The following PDE3A variants were observed in gnomAD, a reference collection of about 807,000 sequenced individuals.
The protein encoded by PDE3A is cGMP-inhibited 3',5'-cyclic phosphodiesterase 3A.
PDE3A carries 43 observed loss-of-function variants against 98.3 expected under a neutral mutation model. The ratio of observed to expected loss-of-function variants is 0.44; its 90% CI spans 0.34 to 0.56. PDE3A has a LOEUF of 0.56. PDE3A is among the 20% of genes least tolerant of loss of function. PDE3A has a pLI of 0.01. For missense variants in PDE3A, 1,427 were observed against 1,440.7 expected (o/e 0.99, Z 0.15); for synonymous variants, 663 against 567.9 (o/e 1.17, Z -2.38).
chr12:20,577,102 A>G (rs1194188292), intron 2 of PDE3A, among the ~76,000 whole-genome samples: 1 of 152,166 alleles, frequency 6.6e-6, no homozygotes, highest in African/African-American at 2.4e-5. Flanking sequence ...ACTGGAATAA[A>G]GACTACTCAG....
chr12:20,515,050 C>T (rs1041515177), intron 1 of PDE3A, among the ~76,000 whole-genome samples: 18 of 152,264 alleles, frequency 1.2e-4, no homozygotes, highest in Admixed American at 4.6e-4. Context: ...CAAGAGGGGG[C>T]CGAACTCATC....
At chr12:20,660,122 T>C (rs1316500593) in intron 15 of PDE3A, among the ~76,000 whole-genome samples, 1 of 152,016 alleles carries the variant, frequency 6.6e-6, no homozygotes, top group Non-Finnish European at 1.5e-5. Flanking sequence ...TGACAGTGAG[T>C]GACTTGTCAC....
chr12:20,589,671 A>C (rs1943280857), intron 2 of PDE3A, among the ~76,000 whole-genome samples: 1 of 151,860 alleles, frequency 6.6e-6, no homozygotes, highest in African/African-American at 2.4e-5. Context: ...GATCGAGACC[A>C]TCCTGGCTAA....
chr12:20,453,947 T>G (rs974964811), intron 1 of PDE3A, among the ~76,000 whole-genome samples: 3 of 152,174 alleles, frequency 2.0e-5, no homozygotes, highest in Non-Finnish European at 4.4e-5. Flanking sequence ...GAACTAATCC[T>G]TTGAAAGGTG....
chr12:20,390,369 A>G (rs1943890053), intron 1 of PDE3A, among the ~76,000 whole-genome samples: 1 of 150,794 alleles, frequency 6.6e-6, no homozygotes, highest in African/African-American at 2.4e-5. Flanking sequence ...GGACACGAGG[A>G]GGCATTTAAG....
Position 20,670,996 on chromosome 12 carries a change from A to G in PDE3A, c.3185-9034A>G, listed in dbSNP as rs1327742398. 2.6e-5 allele frequency among the ~76,000 whole-genome samples: 3 copies of G among 114,478 alleles called. No homozygotes were observed. In the East Asian group the frequency reaches 7.9e-4, roughly 30 times the overall value. The allele number at this position is 114,478 out of a possible 152,430, so 75.1% of individuals were successfully genotyped here. Reference sequence around the variant, plus strand: ...AAGAGAGAAGAATCAAATAGACGCAATAAAATATGATAAAGGGGATATCAC... The same window carrying G: ...AAGAGAGAAGAATCAAATAGACGCAGTAAAATATGATAAAGGGGATATCAC... On this transcript the variant is annotated intron_variant, in intron 15 of 15. Transcript: ENST00000359062.
chr12:20,666,589 G>A (rs1438094127), intron 15 of PDE3A, among the ~76,000 whole-genome samples: 1 of 152,096 alleles, frequency 6.6e-6, no homozygotes, highest in Non-Finnish European at 1.5e-5. Context: ...TTCCATTAAT[G>A]ATGCTGCAAA....
In PDE3A at chr12:20,429,046, G is replaced by A. The variant is rs537910687; in HGVS notation, c.960+58802G>A. Among the ~76,000 whole-genome samples, 3 of 152,230 alleles carry A rather than the reference G, an allele frequency of 2.0e-5. No individual in the cohort carries two copies. In the East Asian group the frequency reaches 5.8e-4, roughly 29 times the overall value. Reference sequence around the variant, plus strand: ...AGAAAATTTCAATGTTTTTACATACGTACACAACACTTAACACAAAGTAAA... The same window carrying A: ...AGAAAATTTCAATGTTTTTACATACATACACAACACTTAACACAAAGTAAA... On this transcript the variant is annotated intron_variant, in intron 1 of 15. Transcript: ENST00000359062.
At chr12:20,602,212 A>C (rs1310398106) in intron 2 of PDE3A, among the ~76,000 whole-genome samples, 3 of 152,218 alleles carry the variant, frequency 2.0e-5, no homozygotes, top group Non-Finnish European at 2.9e-5. Context: ...TGAATTTATT[A>C]TATCTTTGCC....
intron 1 of PDE3A, among the ~76,000 whole-genome samples, chr12:20,394,325 T>C (rs1012610133): frequency 2.6e-5 from 4 of 152,072 alleles, no homozygotes; most frequent in Non-Finnish European, 5.9e-5. Context: ...TTGTAACTTA[T>C]AGGGAAATCA....
intron 15 of PDE3A, among the ~76,000 whole-genome samples, chr12:20,670,800 A>G (rs1945454930): frequency 7.4e-6 from 1 of 135,264 alleles, no homozygotes; most frequent in Non-Finnish European, 1.5e-5. Flanking sequence ...TAGAAAAGCA[A>G]GAGCAAACAC....
At chr12:20,530,188 T>G (rs759328699) in intron 1 of PDE3A, among the ~76,000 whole-genome samples, 1 of 152,332 alleles carries the variant, frequency 6.6e-6, no homozygotes, top group South Asian at 2.1e-4. Flanking sequence ...ATCTGGAGAA[T>G]AATATAATTG....
chr12:20,437,129 C>A (rs117429885), intron 1 of PDE3A, among the ~76,000 whole-genome samples: 2,581 of 151,956 alleles, frequency 0.017, 37 homozygotes, highest in Middle Eastern at 0.051. Flanking sequence ...CTGGACTGTG[C>A]TACTAAACAA....
chr12:20,675,735 T>G (rs1236348375), intron 15 of PDE3A, among the ~76,000 whole-genome samples: 1 of 152,208 alleles, frequency 6.6e-6, no homozygotes, highest in Non-Finnish European at 1.5e-5. Flanking sequence ...TTTTACTGTT[T>G]TGACTTAATT....
chr12:20,388,813 G>A (rs1943860931), intron 1 of PDE3A, among the ~76,000 whole-genome samples: 1 of 151,908 alleles, frequency 6.6e-6, no homozygotes, highest in Non-Finnish European at 1.5e-5. Flanking sequence ...GTAAGACTAA[G>A]GAACTTTATA....
At chr12:20,627,164 A>AAC (rs1944283934) in intron 5 of PDE3A, among the ~76,000 whole-genome samples, 1 of 148,176 alleles carries the variant, frequency 6.7e-6, no homozygotes, top group East Asian at 2.0e-4. Context: ...AAAAAAAAAA[A>AAC]CTGTGTAGAA....
At chr12:20,426,253 G>A (rs1163148598) in intron 1 of PDE3A, among the ~76,000 whole-genome samples, 4 of 152,248 alleles carry the variant, frequency 2.6e-5, no homozygotes, top group Non-Finnish European at 5.9e-5. Context: ...GCTCATGGTT[G>A]CTGGCTCCGA....
At chr12:20,507,199 A>G (rs6487099) in intron 1 of PDE3A, among the ~76,000 whole-genome samples, 26,496 of 151,846 alleles carry the variant, frequency 0.17, 2,888 homozygotes, top group Non-Finnish European at 0.24. Flanking sequence ...TATGCTACAT[A>G]GCTAATGGAA....
At chr12:20,413,555 G>A (rs780043503) in intron 1 of PDE3A, among the ~76,000 whole-genome samples, 3 of 152,138 alleles carry the variant, frequency 2.0e-5, no homozygotes, top group Non-Finnish European at 2.9e-5. Flanking sequence ...TGGGGAAATG[G>A]AAAGGCAGCA....
Sources: gnomAD v4.1 joint callset for allele counts (sites outside exome capture counted in the v4.1 genomes callset) on GRCh38, gnomAD v4.1.1 for gene constraint, MANE v1.5 for transcripts, NCBI Gene and HGNC (gene_info 2026-07-23, HGNC 2026-07-21) for gene names.